GABRA3: variants seen among roughly 807,000 people sequenced by gnomAD.
The protein encoded by GABRA3 is gamma-aminobutyric acid receptor subunit alpha-3.
In GABRA3, 10 loss-of-function variants were observed where a neutral mutation model predicts 30.1. The ratio of observed to expected loss-of-function variants is 0.33; its 90% CI spans 0.20 to 0.56. GABRA3 has a LOEUF of 0.56. GABRA3 is among the 20% of genes least tolerant of loss of function. The pLI is 0.89. For missense variants in GABRA3, 233 were observed against 392.0 expected, an observed-to-expected ratio of 0.59 and a Z score of 3.42; for synonymous variants, 151 against 146.8, an observed-to-expected ratio of 1.03 and a Z score of -0.21.
At chrX:152,279,090 G>C (rs1939148271) in intron 4 of GABRA3, among the ~76,000 whole-genome samples, 1 of 111,651 alleles carries the variant, frequency 9.0e-6, no homozygotes. Flanking sequence ...AGTTTCTTTA[G>C]CTGTGCAGAA....
chrX:152,342,017 C>T (rs1273145466), intron 3 of GABRA3, among the ~76,000 whole-genome samples: 1 of 111,736 alleles, frequency 8.9e-6, no homozygotes, highest in Non-Finnish European at 1.9e-5. Flanking sequence ...GGACTACAGG[C>T]ACACCTCACC....
intron 9 of GABRA3, among the ~76,000 whole-genome samples, chrX:152,185,688 T>A (rs1248610897): frequency 8.9e-6 from 1 of 111,765 alleles, no homozygotes; most frequent in Non-Finnish European, 1.9e-5. Context: ...AAAGGGCTTA[T>A]CCTCTCACTA....
intron 1 of GABRA3, chrX:152,389,267 T>C (rs991838874): frequency 2.7e-5 from 3 of 112,317 alleles, no homozygotes; most frequent in African/African-American, 9.7e-5. Flanking sequence ...TTGACCATGA[T>C]ACATAACAAA....
chrX:152,336,553 G>A (rs1300655945), intron 3 of GABRA3, among the ~76,000 whole-genome samples: 2 of 111,893 alleles, frequency 1.8e-5, no homozygotes, highest in African/African-American at 6.5e-5. Flanking sequence ...TACACATCTA[G>A]AAATACTTGC....
chrX:152,222,595 TG>T (rs1222917850), intron 6 of GABRA3, among the ~76,000 whole-genome samples: 1 of 110,084 alleles, frequency 9.1e-6, no homozygotes, highest in Admixed American at 9.8e-5. Flanking sequence ...TTAGGTCTCA[TG>T]GGCCTGCCTA....
chrX:152,392,591 G>A (rs1462437406), intron 1 of GABRA3, among the ~76,000 whole-genome samples: 1 of 111,461 alleles, frequency 9.0e-6, no homozygotes, highest in Non-Finnish European at 1.9e-5. Context: ...ATCATAAGTG[G>A]AGACCTCATA....
intron 9 of GABRA3, among the ~76,000 whole-genome samples, chrX:152,171,932 C>T (rs1431228520): frequency 9.0e-6 from 1 of 111,701 alleles, no homozygotes; most frequent in East Asian, 2.8e-4. Context: ...GATGATACTC[C>T]TGTCAATTGT....
rs183522123 is a variant in GABRA3, at chrX:152,419,533, G to A, written c.-27+31613C>T. 1.5e-4 allele frequency among the ~76,000 whole-genome samples: 17 copies of A among 110,713 alleles called. No homozygotes were observed. The Admixed American group carries it at 1.6e-3, about 11-fold the overall frequency. Reference sequence around the variant, plus strand: ...AAAATTTAGAAAAACGTATTTCTTTGAAAACATAACTTAAAACTGACAAAA... The same window carrying A: ...AAAATTTAGAAAAACGTATTTCTTTAAAAACATAACTTAAAACTGACAAAA... On this transcript the variant is annotated intron_variant, in intron 1 of 9. Transcript: ENST00000370314.
At chrX:152,350,783 A>G (rs1052606271) in intron 2 of GABRA3, among the ~76,000 whole-genome samples, 4 of 111,702 alleles carry the variant, frequency 3.6e-5, no homozygotes, top group Admixed American at 9.5e-5. Context: ...ATCACTATCT[A>G]TGGAAGCTAT....
intron 3 of GABRA3, among the ~76,000 whole-genome samples, chrX:152,288,834 T>C (rs939914152): frequency 8.9e-6 from 1 of 112,195 alleles, no homozygotes; most frequent in Non-Finnish European, 1.9e-5. Context: ...TATATAATTG[T>C]TTACAGTTGC....
chrX:152,406,064 G>A (rs772357255), intron 1 of GABRA3, among the ~76,000 whole-genome samples: 31 of 110,209 alleles, frequency 2.8e-4, no homozygotes, highest in African/African-American at 1.0e-3. Flanking sequence ...CCAAGACAGT[G>A]CCTCTTGGGG....
chrX:152,187,779 C>A (rs746583694), intron 9 of GABRA3, among the ~76,000 whole-genome samples: 1 of 112,075 alleles, frequency 8.9e-6, no homozygotes, highest in Admixed American at 9.5e-5. Context: ...CCATACATAA[C>A]AAGAGTAGTA....
chrX:152,251,137 G>T (rs758611217), intron 5 of GABRA3: 1 of 329,911 alleles, frequency 3.0e-6, no homozygotes, highest in Middle Eastern at 4.5e-4. Context: ...GAAACCGATG[G>T]CTTCATCATG....
intron 5 of GABRA3, among the ~76,000 whole-genome samples, chrX:152,236,128 A>C (rs1489881338): frequency 1.2e-5 from 1 of 82,103 alleles, no homozygotes; most frequent in African/African-American, 4.5e-5. Context: ...ATATCTCCCA[A>C]TGCTATCCCT....
chrX:152,363,704 C>T (rs1928574906), intron 2 of GABRA3, among the ~76,000 whole-genome samples: 1 of 111,490 alleles, frequency 9.0e-6, no homozygotes, highest in South Asian at 3.8e-4. Flanking sequence ...TCTAGAGAAC[C>T]CAATCAAAAC....
intron 4 of GABRA3, among the ~76,000 whole-genome samples, chrX:152,269,940 T>C (rs1586860): frequency 0.023 from 2,598 of 111,754 alleles, 39 homozygotes; most frequent in Middle Eastern, 0.074. Context: ...TGGGTACAGA[T>C]GTTTTATATA....
At position 152,373,598 on chromosome X, in the gene GABRA3, C is replaced by A. The variant is rs142236101; in HGVS notation, c.-26-9002G>T. On this transcript the variant is annotated intron_variant, in intron 1 of 9. Coordinates refer to ENST00000370314, the MANE Select transcript of GABRA3 (RefSeq NM_000808.4). The stretch of plus-strand genomic sequence containing the variant: ...CATTCTGACTGGCGTAAGATGGTAT[C>A]TCAAAGTGTAGTTTTGATTTGCATT... 2.7e-5 allele frequency among the ~76,000 whole-genome samples: 3 copies of A among 111,614 alleles called. No homozygotes were observed. In the East Asian group the frequency reaches 8.4e-4, roughly 31 times the overall value.
intron 9 of GABRA3, among the ~76,000 whole-genome samples, chrX:152,182,721 G>T (rs986727871): frequency 0.044 from 128 of 2,877 alleles, no homozygotes; most frequent in Non-Finnish European, 0.048. Flanking sequence ...TACATATATA[G>T]GTATAGTGTA....
chrX:152,324,280 A>C (rs1492293), intron 3 of GABRA3, among the ~76,000 whole-genome samples: 1 of 111,717 alleles, frequency 9.0e-6, no homozygotes, highest in Non-Finnish European at 1.9e-5. Context: ...AATATCAATC[A>C]GCAGTAAAAT....
Sources: allele counts gnomAD v4.1 joint callset (sites outside exome capture counted in the v4.1 genomes callset), GRCh38; gene constraint gnomAD v4.1.1; transcripts MANE v1.5; gene names NCBI Gene and HGNC (gene_info 2026-07-23, HGNC 2026-07-21).